GALNTL6: variants seen among roughly 807,000 people sequenced by gnomAD.
GALNTL6 encodes the protein polypeptide N-acetylgalactosaminyltransferase like 6.
In GALNTL6, 46 loss-of-function variants were observed where a neutral mutation model predicts 73.7. That is an observed-to-expected ratio of 0.62 (90% CI 0.49 to 0.80). The LOEUF (loss-of-function observed/expected upper bound fraction) is 0.80, where lower values mean the gene tolerates loss of function less well. Ranked by LOEUF, GALNTL6 falls within the 30% of genes least tolerant of loss-of-function variation. The pLI is 0.00. For missense variants in GALNTL6, 604 were observed against 755.0 expected, an observed-to-expected ratio of 0.80 and a Z score of 2.34; for synonymous variants, 259 against 263.7, an observed-to-expected ratio of 0.98 and a Z score of 0.17.
At chr4:171,837,606 T>C (rs1735128327) in intron 2 of GALNTL6, among the ~76,000 whole-genome samples, 1 of 147,188 alleles carries the variant, frequency 6.8e-6, no homozygotes, top group Non-Finnish European at 1.5e-5. Context: ...TATATATTAA[T>C]AGTAATTGAT....
chr4:172,649,093 C>T (rs1344191865), intron 5 of GALNTL6, among the ~76,000 whole-genome samples: 2 of 152,090 alleles, frequency 1.3e-5, no homozygotes, highest in Non-Finnish European at 2.9e-5. Flanking sequence ...CATACTTCAA[C>T]GTAAGGTGAA....
At position 172,331,803 on chromosome 4, in the gene GALNTL6, A is replaced by G. The variant is rs201233236; in HGVS notation, c.387-16720A>G. On this transcript the variant is annotated intron_variant, in intron 4 of 12. Coordinates refer to ENST00000506823, the MANE Select transcript of GALNTL6 (RefSeq NM_001034845.3). ...CTCAACAAACATTTGGGTTTCTTCC[A>G]TACTTTAGCTGTTGTGAATAGTGCT... Among the ~76,000 whole-genome samples, 38 of 152,280 alleles carry G rather than the reference A, an allele frequency of 2.5e-4. No individual in the cohort carries two copies. The East Asian group carries it at 3.5e-3, about 14-fold the overall frequency.
intron 5 of GALNTL6, among the ~76,000 whole-genome samples, chr4:172,655,130 A>T (rs1730908534): frequency 6.6e-6 from 1 of 152,160 alleles, no homozygotes; most frequent in African/African-American, 2.4e-5. Flanking sequence ...ATTCCATTTA[A>T]AATTAGGAAT....
chr4:172,546,697 A>C (rs189909215), intron 5 of GALNTL6, among the ~76,000 whole-genome samples: 25 of 150,472 alleles, frequency 1.7e-4, no homozygotes, highest in Admixed American at 1.5e-3. Context: ...TGTGATTTGC[A>C]AAACCGAGTC....
chr4:172,652,749 C>T, intron 5 of GALNTL6, among the ~76,000 whole-genome samples: 1 of 152,184 alleles, frequency 6.6e-6, no homozygotes, highest in Admixed American at 6.5e-5. Context: ...TTTTAACTCA[C>T]CTTTCTTTCC....
At chr4:172,894,289 A>C (rs180967392) in intron 8 of GALNTL6, among the ~76,000 whole-genome samples, 1 of 152,084 alleles carries the variant, frequency 6.6e-6, no homozygotes, top group Admixed American at 6.5e-5. Flanking sequence ...TAGGTTCTTT[A>C]TTTGAAGTAT....
At chr4:172,247,828 G>A (rs1393772391) in intron 3 of GALNTL6, among the ~76,000 whole-genome samples, 1 of 151,938 alleles carries the variant, frequency 6.6e-6, no homozygotes, top group Non-Finnish European at 1.5e-5. Context: ...TTCCTCTTTA[G>A]TAATTTAAAT....
chr4:171,897,517 T>C (rs1736955830), intron 2 of GALNTL6, among the ~76,000 whole-genome samples: 1 of 152,072 alleles, frequency 6.6e-6, no homozygotes, highest in Non-Finnish European at 1.5e-5. Flanking sequence ...CTTTGACAAT[T>C]CACCATTTAA....
intron 7 of GALNTL6, among the ~76,000 whole-genome samples, chr4:172,819,961 G>A (rs541057467): frequency 1.6e-4 from 24 of 152,254 alleles, no homozygotes; most frequent in African/African-American, 4.1e-4. Context: ...AGTGAATATC[G>A]CAAAGCCAAA....
At chr4:172,985,290 T>C (rs1751243820) in intron 10 of GALNTL6, among the ~76,000 whole-genome samples, 1 of 151,974 alleles carries the variant, frequency 6.6e-6, no homozygotes, top group African/African-American at 2.4e-5. Context: ...CCTTTTAAAT[T>C]GTTTGGTGAG....
intron 2 of GALNTL6, among the ~76,000 whole-genome samples, chr4:171,889,963 G>A (rs1681835547): frequency 6.6e-6 from 1 of 152,130 alleles, no homozygotes; most frequent in Admixed American, 6.6e-5. Flanking sequence ...TTGACAGCTA[G>A]CATATAGTAC....
chr4:172,252,844 A>C (rs1052809589), intron 3 of GALNTL6, among the ~76,000 whole-genome samples: 1 of 151,942 alleles, frequency 6.6e-6, no homozygotes, highest in Non-Finnish European at 1.5e-5. Flanking sequence ...AGAAATGGGC[A>C]TATGGTTATG....
intron 3 of GALNTL6, among the ~76,000 whole-genome samples, chr4:172,280,942 C>CTT (rs1739024763): frequency 6.6e-6 from 1 of 150,952 alleles, no homozygotes; most frequent in Admixed American, 6.6e-5. Flanking sequence ...GGGTGGATCA[C>CTT]GAGGTCAGGA....
intron 5 of GALNTL6, among the ~76,000 whole-genome samples, chr4:172,381,077 G>A (rs1260010355): frequency 2.0e-5 from 3 of 152,318 alleles, no homozygotes; most frequent in Admixed American, 6.5e-5. Flanking sequence ...TGAAGGCATT[G>A]TAACAAAACA....
At chr4:172,481,211 G>A (rs1039712330) in intron 5 of GALNTL6, among the ~76,000 whole-genome samples, 5 of 151,974 alleles carry the variant, frequency 3.3e-5, no homozygotes, top group African/African-American at 4.8e-5. Flanking sequence ...AGCTCTTAAG[G>A]CAGCCAGTCG....
intron 4 of GALNTL6, among the ~76,000 whole-genome samples, chr4:172,322,871 AAC>A: frequency 6.6e-6 from 1 of 152,286 alleles, no homozygotes; most frequent in East Asian, 1.9e-4. Context: ...AAGAAAAATA[AAC>A]ACAGACTCAG....
At chr4:172,606,056 G>T (rs1167441078) in intron 5 of GALNTL6, among the ~76,000 whole-genome samples, 2 of 152,006 alleles carry the variant, frequency 1.3e-5, no homozygotes, top group East Asian at 3.9e-4. Flanking sequence ...CCCTGTGCAG[G>T]TTCCCTTATC....
chr4:172,672,500 G>A (rs981856211), intron 5 of GALNTL6, among the ~76,000 whole-genome samples: 1 of 152,192 alleles, frequency 6.6e-6, no homozygotes, highest in Non-Finnish European at 1.5e-5. Context: ...TCATGGCCAA[G>A]TTTTGCTATC....
At chr4:172,565,674 G>T (rs1438339981) in intron 5 of GALNTL6, among the ~76,000 whole-genome samples, 3 of 152,144 alleles carry the variant, frequency 2.0e-5, no homozygotes, top group African/African-American at 7.2e-5. Flanking sequence ...GTATGAGAAA[G>T]ATTGCCATTA....
Sources: allele counts gnomAD v4.1 joint callset (sites outside exome capture counted in the v4.1 genomes callset), GRCh38; gene constraint gnomAD v4.1.1; transcripts MANE v1.5; gene names NCBI Gene and HGNC (gene_info 2026-07-23, HGNC 2026-07-21).